The following ASF1A variants were observed in gnomAD, a reference collection of about 807,000 sequenced individuals.
ASF1A encodes the protein anti-silencing function 1A histone chaperone.
A neutral mutation model predicts 22.0 loss-of-function variants in ASF1A; 5 were observed. That is an observed-to-expected ratio of 0.23 (90% confidence interval 0.12 to 0.48). The LOEUF (loss-of-function observed/expected upper bound fraction) is 0.48. ASF1A is among the 20% of genes least tolerant of loss of function. ASF1A has a pLI of 0.99. For synonymous variants in ASF1A, 97 were observed against 86.7 expected (o/e 1.12, Z -0.66); for missense variants, 137 against 240.6 (o/e 0.57, Z 2.85).
At chr6:118,895,273 A>C (rs1779310243) in intron 1 of ASF1A, among the ~76,000 whole-genome samples, 1 of 151,966 alleles carries the variant, frequency 6.6e-6, no homozygotes, top group African/African-American at 2.4e-5. Flanking sequence ...GGCGCCCGGG[A>C]TGCGCCGGGA....
chr6:118,896,466 T>C (rs538194355), intron 1 of ASF1A, among the ~76,000 whole-genome samples: 46 of 152,270 alleles, frequency 3.0e-4, no homozygotes, highest in African/African-American at 1.1e-3. Context: ...TACAGGGCTT[T>C]TACATTGCAT....
At chr6:118,895,946 T>G (rs1025091621) in intron 1 of ASF1A, among the ~76,000 whole-genome samples, 4 of 152,104 alleles carry the variant, frequency 2.6e-5, no homozygotes, top group African/African-American at 9.7e-5. Context: ...TTTAGAAAGT[T>G]GTACAGGCAT....
Position 118,899,184 on chromosome 6 carries a change from C to T in ASF1A, c.110-1582C>T, listed in dbSNP as rs115854639. On this transcript the variant is annotated intron_variant, in intron 1 of 3. Coordinates refer to ENST00000229595, the MANE Select transcript of ASF1A (RefSeq NM_014034.3). Reference sequence around the variant, plus strand: ...TTGTTTCTTCCCTTGTCCTCTTACACTCTATATTGAACACAGCAATCAAAG... The same window carrying T: ...TTGTTTCTTCCCTTGTCCTCTTACATTCTATATTGAACACAGCAATCAAAG... Among the ~76,000 whole-genome samples the T allele has an allele frequency of 7.9e-3, 1,208 of 152,314 alleles. 13 individuals carry two copies. The highest frequency in any genetic ancestry group is 0.027 in the African/African-American group (1,122 of 41,544).
intron 1 of ASF1A, among the ~76,000 whole-genome samples, chr6:118,900,538 G>A (rs1239123958): frequency 1.3e-5 from 2 of 152,162 alleles, no homozygotes; most frequent in African/African-American, 4.8e-5. Flanking sequence ...TGTTTGTGAG[G>A]CACTGTCCAG....
At chr6:118,901,598 T>C (rs1779800916) in intron 2 of ASF1A, among the ~76,000 whole-genome samples, 1 of 152,228 alleles carries the variant, frequency 6.6e-6, no homozygotes, top group Non-Finnish European at 1.5e-5. Flanking sequence ...GTCTTCTATA[T>C]TCAAAAGTGT....
intron 1 of ASF1A, among the ~76,000 whole-genome samples, chr6:118,894,991 C>T (rs1779270228): frequency 6.6e-6 from 1 of 152,164 alleles, no homozygotes; most frequent in Admixed American, 6.5e-5. Context: ...GCGACCCCGG[C>T]GCACGGCGCC....
chr6:118,894,574 G>T, intron 1 of ASF1A, 52 bp downstream of exon 1: 1 of 1,448,166 alleles, frequency 6.9e-7, no homozygotes, highest in East Asian at 2.5e-5. Flanking sequence ...TGCAGACGTT[G>T]AAAGTTTCCC....
chr6:118,902,143 C>T (rs1164210134), intron 2 of ASF1A, among the ~76,000 whole-genome samples: 1 of 152,078 alleles, frequency 6.6e-6, no homozygotes, highest in African/African-American at 2.4e-5. Flanking sequence ...AGTGCATAAC[C>T]ATGTAAAAGA....
chr6:118,905,384 T>A (rs967614734), intron 2 of ASF1A, among the ~76,000 whole-genome samples: 31 of 152,332 alleles, frequency 2.0e-4, no homozygotes, highest in Non-Finnish European at 3.7e-4. Flanking sequence ...TGAACCACCA[T>A]GCAGTGTAGC....
intron 2 of ASF1A, among the ~76,000 whole-genome samples, chr6:118,901,541 T>C (rs1226168218): frequency 6.6e-6 from 1 of 152,208 alleles, no homozygotes; most frequent in African/African-American, 2.4e-5. Flanking sequence ...ATTTTGTTCT[T>C]AGATACCACT....
chr6:118,894,506 C>G lies in ASF1A; in HGVS notation c.93C>G (p.Ile31Met). The G allele has an allele frequency of 6.5e-7, 1 of 1,537,108 alleles. No homozygotes were observed. Among genetic ancestry groups the G allele is most frequent in the Non-Finnish European group, 8.7e-7 (1 of 1,146,774 alleles). The change falls in exon 1 of 4, where the codon ATC (isoleucine) becomes ATG (methionine). Residue 31 changes from isoleucine (I) to methionine (M), a missense_variant. Physicochemically the swap from Ile to Met is conservative, Grantham distance 10 (BLOSUM62 1). This residue lies in a region of ASF1A where 96 missense variants were observed against 196.7 expected (regional missense o/e 0.49). Coordinates refer to ENST00000229595, the MANE Select transcript of ASF1A (RefSeq NM_014034.3). ...PFQFEITFEC[I>M]EDLSEDLEWK... is the part of the protein sequence containing the mutation. The stretch of plus-strand genomic sequence containing the variant: ...AGTTCGAGATCACCTTCGAGTGCAT[C>G]GAGGACCTGTCTGAAGGTGAGTGCG...
chr6:118,894,802 A>C (rs936726507), intron 1 of ASF1A, among the ~76,000 whole-genome samples: 3 of 152,178 alleles, frequency 2.0e-5, no homozygotes, highest in Non-Finnish European at 2.9e-5. Flanking sequence ...GGCAGCTCGG[A>C]GACCCGCACT....
At chr6:118,905,277 A>G (rs1342928895) in intron 2 of ASF1A, among the ~76,000 whole-genome samples, 1 of 152,226 alleles carries the variant, frequency 6.6e-6, no homozygotes, top group Non-Finnish European at 1.5e-5. Flanking sequence ...GAGATCATTT[A>G]ATACTTACTA....
chr6:118,897,552 A>G (rs1420663601), intron 1 of ASF1A, among the ~76,000 whole-genome samples: 1 of 152,140 alleles, frequency 6.6e-6, no homozygotes, highest in East Asian at 1.9e-4. Flanking sequence ...CTAATTCCAA[A>G]GCCTACATAC....
chr6:118,894,312 C>T lies in ASF1A; in HGVS notation c.-102C>T. On this transcript the variant is annotated 5_prime_UTR_variant, in exon 1 of 4. Transcript: ENST00000229595. ...AAGTCGCCGCTGCACGACGTCTGGC[C>T]GGCGCTGGAGCGGGGGTCTGCGCTC... 5.3e-6 allele frequency: 8 copies of T among 1,500,670 alleles called. No individual in the cohort carries two copies. In the Admixed American group the frequency reaches 6.7e-5, roughly 13 times the overall value. 93.0% of individuals were successfully genotyped at this position (1,500,670 alleles called of 1,614,324 possible).
chr6:118,900,524 A>C (rs929059806), intron 1 of ASF1A, among the ~76,000 whole-genome samples: 19 of 152,180 alleles, frequency 1.2e-4, no homozygotes, highest in Non-Finnish European at 2.6e-4. Flanking sequence ...TGGCTATGTT[A>C]TCTTGTTTGT....
chr6:118,906,679 G>T (rs1253083242), intron 3 of ASF1A, among the ~76,000 whole-genome samples: 1 of 152,154 alleles, frequency 6.6e-6, no homozygotes, highest in African/African-American at 2.4e-5. Flanking sequence ...TTCTGAGTGA[G>T]AAGCTGAAAT....
At position 118,907,787 on chromosome 6, in the gene ASF1A, CTAT is replaced by C. The variant is rs1371212643; in HGVS notation, c.*175_*177del. ...AACAAATTGTGGAATATAAATACAA[CTAT>C]TTTTAAGTAATTTTTTTCTCTAATG... is the stretch of plus-strand genomic sequence containing the variant. On this transcript the variant is annotated 3_prime_UTR_variant, in exon 4 of 4. Coordinates refer to ENST00000229595, the MANE Select transcript of ASF1A (RefSeq NM_014034.3). 3 of 543,908 alleles carry C rather than the reference CTAT, an allele frequency of 5.5e-6. No homozygotes were observed. The highest frequency in any genetic ancestry group is 3.8e-5 in the African/African-American group (2 of 52,978). 33.7% of individuals were successfully genotyped at this position (543,908 alleles called of 1,614,324 possible).
chr6:118,894,877 C>T (rs1405142276), intron 1 of ASF1A, among the ~76,000 whole-genome samples: 2 of 152,164 alleles, frequency 1.3e-5, no homozygotes, highest in Admixed American at 6.5e-5. Flanking sequence ...CCTCCGCGAC[C>T]CTCCGGGCCC....
Sources: gnomAD v4.1 joint callset for allele counts (sites outside exome capture counted in the v4.1 genomes callset) on GRCh38, gnomAD v4.1.1 for gene constraint, gnomAD v4.1.1 regional missense constraint, MANE v1.5 for transcripts, NCBI Gene and HGNC (gene_info 2026-07-23, HGNC 2026-07-21) for gene names.